The following SLC36A1 variants were observed in gnomAD, a reference collection of about 807,000 sequenced individuals.
SLC36A1 encodes the protein solute carrier family 36 member 1.
SLC36A1 carries 30 observed loss-of-function variants against 47.5 expected under a neutral mutation model. The observed-to-expected ratio is 0.63, with a 90% CI of 0.47 to 0.86. The LOEUF (loss-of-function observed/expected upper bound fraction) is 0.86. Ranked by LOEUF, SLC36A1 falls within the 40% of genes least tolerant of loss-of-function variation. The pLI, the probability that SLC36A1 is intolerant of heterozygous loss-of-function variation, is 0.00. For missense variants in SLC36A1, 517 were observed against 606.0 expected (o/e 0.85, Z 1.54); for synonymous variants, 255 against 249.7 (o/e 1.02, Z -0.20).
the SLC36A1 span, chr5:151,381,350 G>A: frequency 5.5e-6 from 1 of 181,482 alleles, no homozygotes; most frequent in Non-Finnish European, 1.2e-5. Flanking sequence ...GACTGAGACA[G>A]TGAAAGAGAT....
At chr5:151,497,496 C>T in the SLC36A1 span, among the ~76,000 whole-genome samples, 2 of 152,198 alleles carry the variant, frequency 1.3e-5, no homozygotes, top group Non-Finnish European at 2.9e-5. Flanking sequence ...ATTTTTCACT[C>T]ACCCTGATAT....
At chr5:151,473,914 C>T (rs1367449021) in intron 8 of SLC36A1, 143 bp downstream of exon 8, 26 of 676,466 alleles carry the variant, frequency 3.8e-5, no homozygotes, top group Non-Finnish European at 5.9e-5. Flanking sequence ...AATCTCAGCA[C>T]TTTGGGAGGC....
upstream of SLC36A1, among the ~76,000 whole-genome samples, chr5:151,435,494 A>G (rs1347642381): frequency 1.3e-5 from 2 of 152,178 alleles, no homozygotes; most frequent in East Asian, 3.8e-4. Flanking sequence ...ATAATAAAGT[A>G]TTATGGAGCA....
At chr5:151,545,817 T>G in the SLC36A1 span, 3 of 1,614,252 alleles carry the variant, frequency 1.9e-6, no homozygotes, top group Non-Finnish European at 2.5e-6. Flanking sequence ...ACAGTGGAGC[T>G]GCTTCACTAA....
chr5:151,401,265 T>A, the SLC36A1 span, among the ~76,000 whole-genome samples: 1 of 152,114 alleles, frequency 6.6e-6, no homozygotes, highest in African/African-American at 2.4e-5. Context: ...CAGCACCTCT[T>A]ATTTATTGAA....
chr5:151,529,031 A>T, the SLC36A1 span: 1 of 669,852 alleles, frequency 1.5e-6, no homozygotes. Flanking sequence ...CTCAAATCTC[A>T]CATAAACCTC....
chr5:151,540,529 G>T, the SLC36A1 span: 1 of 1,539,858 alleles, frequency 6.5e-7, no homozygotes, highest in Non-Finnish European at 8.9e-7. Flanking sequence ...TATCTTCCTT[G>T]CCTTCACTAC....
chr5:151,458,885 C>T lies in SLC36A1; in HGVS notation c.93C>T (p.Asn31=). 1 of 1,614,052 alleles carries T rather than the reference C, an allele frequency of 6.2e-7. No homozygotes were observed. Among genetic ancestry groups the T allele is most frequent in the South Asian group, 1.1e-5 (1 of 91,090 alleles). Reference sequence around the variant, plus strand: ...AGAGCCCGTCGGAAGGCCTCAACAACCTCTCCTCCCCGGGCTCCTACCAGC... The same window carrying T: ...AGAGCCCGTCGGAAGGCCTCAACAATCTCTCCTCCCCGGGCTCCTACCAGC... ...PEESPSEGLN[N]LSSPGSYQRF... is the part of the protein sequence containing the mutation. Residue 31 remains asparagine (N), a synonymous_variant, in exon 2 of 11, where the codon AAC becomes AAT. Coordinates refer to ENST00000243389, the MANE Select transcript of SLC36A1 (RefSeq NM_078483.4).
chr5:151,459,076 G>A (rs369091076), intron 2 of SLC36A1, 141 bp downstream of exon 2: 26 of 894,876 alleles, frequency 2.9e-5, no homozygotes, highest in South Asian at 1.2e-4. Context: ...GAGTGACTGC[G>A]CTGAGATTTG....
chr5:151,507,224 CG>C, the SLC36A1 span: 1 of 1,613,050 alleles, frequency 6.2e-7, no homozygotes, highest in Non-Finnish European at 8.5e-7. Flanking sequence ...CCGCAGCTGG[CG>C]GGAGTCTGGG....
the SLC36A1 span, chr5:151,549,594 T>G: frequency 9.6e-7 from 1 of 1,038,676 alleles, no homozygotes; most frequent in Admixed American, 2.0e-5. Context: ...AGAATGCCAA[T>G]TTAAAATATG....
chr5:151,421,209 CT>C, the SLC36A1 span, among the ~76,000 whole-genome samples: 789 of 147,724 alleles, frequency 5.3e-3, 13 homozygotes, highest in East Asian at 0.024. Context: ...TCCTTCCTTC[CT>C]TCCTTCCTCC....
the SLC36A1 span, chr5:151,509,850 G>A: frequency 3.5e-5 from 24 of 690,092 alleles, no homozygotes; most frequent in South Asian, 5.4e-4. Flanking sequence ...CATGAAACCG[G>A]TCCCTGGTGC....
At chr5:151,479,554 C>A in intron 10 of SLC36A1, 65 bp downstream of exon 10, 1 of 1,560,632 alleles carries the variant, frequency 6.4e-7, no homozygotes, top group South Asian at 1.2e-5. Flanking sequence ...TGCAGGCTTT[C>A]ATGAGAAAAG....
chr5:151,521,344 G>A, the SLC36A1 span: 77 of 1,614,072 alleles, frequency 4.8e-5, no homozygotes, highest in East Asian at 3.6e-4. Context: ...GGTGCTGTAC[G>A]TGGGCCCAAC....
At chr5:151,351,070 G>A in the SLC36A1 span, among the ~76,000 whole-genome samples, 7 of 152,166 alleles carry the variant, frequency 4.6e-5, no homozygotes, top group Non-Finnish European at 7.3e-5. Context: ...TTAGGCAGGC[G>A]TGAGGATTAC....
At chr5:151,535,963 A>G in the SLC36A1 span, among the ~76,000 whole-genome samples, 4 of 152,332 alleles carry the variant, frequency 2.6e-5, no homozygotes, top group African/African-American at 7.2e-5. Flanking sequence ...CCGAAACACC[A>G]TATAACCAAA....
the SLC36A1 span, among the ~76,000 whole-genome samples, chr5:151,538,829 AC>A: frequency 6.7e-6 from 1 of 148,736 alleles, no homozygotes; most frequent in Non-Finnish European, 1.5e-5. Flanking sequence ...GGTGCGTGCC[AC>A]CACACCTGGC....
At chr5:151,368,991 T>TCA in the SLC36A1 span, among the ~76,000 whole-genome samples, 1 of 152,212 alleles carries the variant, frequency 6.6e-6, no homozygotes, top group Non-Finnish European at 1.5e-5. Context: ...TGCTTGCTGG[T>TCA]GAAGGACATG....
Sources: gnomAD v4.1 joint callset for allele counts (sites outside exome capture counted in the v4.1 genomes callset) on GRCh38, gnomAD v4.1.1 for gene constraint, MANE v1.5 for transcripts, NCBI Gene and HGNC (gene_info 2026-07-23, HGNC 2026-07-21) for gene names.